Variants in MAGI1 observed in about 807,000 individuals in gnomAD.
The protein encoded by MAGI1 is membrane-associated guanylate kinase, WW and PDZ domain-containing protein 1.
MAGI1 carries 58 observed loss-of-function variants against 139.9 expected under a neutral mutation model. The observed-to-expected ratio is 0.41, with a 90% CI of 0.34 to 0.52. The LOEUF (loss-of-function observed/expected upper bound fraction) is 0.52. Among genes scored for constraint, MAGI1 ranks in the 20% least tolerant of loss-of-function variants. The pLI, the probability that MAGI1 is intolerant of heterozygous loss-of-function variation, is 0.12. For synonymous variants in MAGI1, 812 were observed against 737.9 expected, an observed-to-expected ratio of 1.10 and a Z score of -1.63; for missense variants, 1,874 against 1,901.6, an observed-to-expected ratio of 0.99 and a Z score of 0.27.
chr3:65,777,927 T>C (rs2038601981), intron 1 of MAGI1, among the ~76,000 whole-genome samples: 1 of 152,222 alleles, frequency 6.6e-6, no homozygotes, highest in Non-Finnish European at 1.5e-5. Context: ...CTAACACTAC[T>C]ATAGTTCTAT....
rs1948039550 is a variant in MAGI1 at position 65,438,914 on chromosome 3, C to G, written c.1270+965G>C. 2.0e-5 allele frequency among the ~76,000 whole-genome samples: 3 copies of G among 152,132 alleles called. No homozygotes were observed. In the South Asian group the frequency reaches 6.2e-4, roughly 32 times the overall value. On this transcript the variant is annotated intron_variant, in intron 9 of 22. Coordinates refer to ENST00000402939, the MANE Select transcript of MAGI1 (RefSeq NM_001033057.2). ...GAGATTGACTGTTTAAATCACGAAG[C>G]CTAAAATCTTTATTATCTGGCTGTT...
chr3:65,909,314 C>T (rs1460416622), intron 1 of MAGI1, among the ~76,000 whole-genome samples: 1 of 150,106 alleles, frequency 6.7e-6, no homozygotes, highest in Non-Finnish European at 1.5e-5. Context: ...CACTTGAGCC[C>T]AGGAGTTCAA....
chr3:65,455,272 A>T (rs1481076622), intron 5 of MAGI1, among the ~76,000 whole-genome samples: 3 of 152,184 alleles, frequency 2.0e-5, no homozygotes, highest in Non-Finnish European at 1.5e-5. Context: ...GTCAACATAC[A>T]AAACATTTTC....
chr3:65,460,754 T>G (rs1036208037), intron 5 of MAGI1, among the ~76,000 whole-genome samples: 1 of 152,094 alleles, frequency 6.6e-6, no homozygotes, highest in Non-Finnish European at 1.5e-5. Context: ...TGTGCCCATA[T>G]GTCCTCATTG....
At chr3:65,391,034 C>T in intron 14 of MAGI1, 108 bp downstream of exon 14, 1 of 964,182 alleles carries the variant, frequency 1.0e-6, no homozygotes, top group Non-Finnish European at 1.6e-6. Flanking sequence ...GCGGATTTCA[C>T]TTTACCCAGT....
At chr3:65,873,528 C>T (rs1423984182) in intron 1 of MAGI1, 1 of 152,142 alleles carries the variant, frequency 6.6e-6, no homozygotes, top group East Asian at 1.9e-4. Flanking sequence ...ATGTTTATTC[C>T]CTCTGATCAC....
At chr3:65,605,959 T>G (rs2082719511) in intron 2 of MAGI1, among the ~76,000 whole-genome samples, 1 of 152,196 alleles carries the variant, frequency 6.6e-6, no homozygotes, top group Non-Finnish European at 1.5e-5. Context: ...TCCCTCCTCC[T>G]TTGCATCCAT....
intron 18 of MAGI1, among the ~76,000 whole-genome samples, chr3:65,374,379 G>C (rs368913910): frequency 7.0e-6 from 1 of 142,676 alleles, no homozygotes; most frequent in East Asian, 2.2e-4. Context: ...GTGCAGTGGC[G>C]CAATCTCGGC....
Position 66,001,473 on chromosome 3 carries a change from C to T in MAGI1, c.313+36523G>A, listed in dbSNP as rs978774029. 3.9e-5 allele frequency among the ~76,000 whole-genome samples: 6 copies of T among 152,098 alleles called. No individual in the cohort carries two copies. The East Asian group carries it at 1.2e-3, about 29-fold the overall frequency. ...ATGCTAGAAAGAAAAGAGTATCAGC[C>T]TCACAGGACTCAATAAAAATCTAAA... On this transcript the variant is annotated intron_variant, in intron 1 of 22. Transcript: ENST00000402939.
intron 1 of MAGI1, among the ~76,000 whole-genome samples, chr3:65,724,162 T>C (rs1424762668): frequency 1.3e-5 from 2 of 152,244 alleles, no homozygotes; most frequent in Admixed American, 1.3e-4. Flanking sequence ...TAAAAGCACA[T>C]GTGTTTGTTT....
chr3:65,882,514 C>T (rs1011868362), intron 1 of MAGI1, among the ~76,000 whole-genome samples: 9 of 152,006 alleles, frequency 5.9e-5, no homozygotes, highest in African/African-American at 9.7e-5. Flanking sequence ...CAGGGAACCT[C>T]GGTTGACCAT....
chr3:65,565,584 C>T (rs911809223), intron 2 of MAGI1, among the ~76,000 whole-genome samples: 11 of 152,174 alleles, frequency 7.2e-5, no homozygotes, highest in Middle Eastern at 3.4e-3. Context: ...TGGTCGGGCA[C>T]GGTGACTCAT....
At chr3:65,638,646 T>A (rs1412782531) in intron 1 of MAGI1, among the ~76,000 whole-genome samples, 1 of 131,680 alleles carries the variant, frequency 7.6e-6, no homozygotes, top group African/African-American at 2.9e-5. Context: ...GTCTCGCTCT[T>A]TCACCCAGGC....
chr3:65,912,781 C>T (rs2061724239), intron 1 of MAGI1, among the ~76,000 whole-genome samples: 1 of 152,050 alleles, frequency 6.6e-6, no homozygotes, highest in African/African-American at 2.4e-5. Context: ...AAGACATTAA[C>T]AAATATCCCC....
intron 1 of MAGI1, among the ~76,000 whole-genome samples, chr3:65,847,972 C>G (rs907088316): frequency 6.6e-6 from 1 of 152,100 alleles, no homozygotes. Context: ...GAGTTTGAGT[C>G]CAGTTTGGGC....
At chr3:65,704,081 G>A (rs1021858637) in intron 1 of MAGI1, among the ~76,000 whole-genome samples, 11 of 152,102 alleles carry the variant, frequency 7.2e-5, no homozygotes, top group Admixed American at 6.6e-5. Flanking sequence ...GAGAAGAGGG[G>A]AAAGAAGGCA....
At chr3:65,788,159 T>C (rs1325102257) in intron 1 of MAGI1, among the ~76,000 whole-genome samples, 7 of 152,052 alleles carry the variant, frequency 4.6e-5, no homozygotes, top group Non-Finnish European at 1.0e-4. Context: ...GATGAAAAAA[T>C]CTCCAAAAGC....
At chr3:65,940,017 C>A (rs1310116236) in intron 1 of MAGI1, among the ~76,000 whole-genome samples, 2 of 152,080 alleles carry the variant, frequency 1.3e-5, no homozygotes, top group African/African-American at 4.8e-5. Context: ...CTGCAAGTTG[C>A]CTAATTATTT....
At chr3:65,593,223 T>C (rs1179994426) in intron 2 of MAGI1, among the ~76,000 whole-genome samples, 1 of 152,138 alleles carries the variant, frequency 6.6e-6, no homozygotes, top group Non-Finnish European at 1.5e-5. Context: ...TTAAAGCAAC[T>C]CTCTTTGGCA....
Sources: gnomAD v4.1 joint callset for allele counts (sites outside exome capture counted in the v4.1 genomes callset) on GRCh38, gnomAD v4.1.1 for gene constraint, MANE v1.5 for transcripts, NCBI Gene and HGNC (gene_info 2026-07-23, HGNC 2026-07-21) for gene names.